The following CFAP300 variants were observed in gnomAD, a reference collection of about 807,000 sequenced individuals.
CFAP300 encodes cilia and flagella associated protein 300.
Under a neutral mutation model 33.0 loss-of-function variants are expected in CFAP300, and 32 were observed. The ratio of observed to expected loss-of-function variants is 0.97; its 90% confidence interval spans 0.73 to 1.30. The LOEUF (loss-of-function observed/expected upper bound fraction) is 1.30. Among genes scored for constraint, CFAP300 ranks in the 50% most tolerant of loss-of-function variants. The pLI, the probability that CFAP300 is intolerant of heterozygous loss-of-function variation, is 0.00. For synonymous variants in CFAP300, 102 were observed against 106.8 expected (o/e 0.95, Z 0.28); for missense variants, 356 against 318.1 (o/e 1.12, Z -0.90).
chr11:102,059,763 A>G (rs958806018), intron 3 of CFAP300, among the ~76,000 whole-genome samples: 1 of 151,902 alleles, frequency 6.6e-6, no homozygotes, highest in Admixed American at 6.6e-5. Flanking sequence ...AATTGAGATG[A>G]GTACATGGGT....
chr11:102,056,994 T>G (rs1019500706), intron 2 of CFAP300, among the ~76,000 whole-genome samples: 11 of 152,002 alleles, frequency 7.2e-5, no homozygotes, highest in Admixed American at 6.6e-5. Context: ...CTTGTGATGA[T>G]GTCAGCACAT....
chr11:102,058,517 A>C (rs1942092761), intron 2 of CFAP300, among the ~76,000 whole-genome samples: 1 of 149,342 alleles, frequency 6.7e-6, no homozygotes, highest in Admixed American at 6.8e-5. Flanking sequence ...GAAAGAATTA[A>C]ATTGACAGTT....
rs771478775 is a variant in CFAP300, at chr11:102,047,515, G to A, written c.45G>A (p.Arg15=). Residue 15 remains arginine, a synonymous_variant, in exon 1 of 7, where the codon AGG becomes AGA. Coordinates refer to ENST00000434758, the MANE Select transcript of CFAP300 (RefSeq NM_032930.3). ...GGGACTTGGGTGGCTACTACTTCAG[G>A]TTCTTGCCTCAGAAAACCTTCCAGT... ...ELGDLGGYYF[R]FLPQKTFQSL... 153 of 1,535,860 alleles carry A rather than the reference G, an allele frequency of 1.0e-4. No individual in the cohort carries two copies. In the East Asian group the frequency reaches 3.7e-3, roughly 37 times the overall value.
intron 1 of CFAP300, 96 bp downstream of exon 1, chr11:102,047,676 A>ATTCTGAGTGAACCCTGAGGCT: frequency 6.8e-7 from 1 of 1,459,974 alleles, no homozygotes; most frequent in Non-Finnish European, 9.3e-7. Context: ...GGTCGGCGCC[A>ATTCTGAGTGAACCCTGAGGCT]TTCTGAGTGA....
chr11:102,077,827 A>G (rs1482663956), intron 5 of CFAP300, among the ~76,000 whole-genome samples: 1 of 152,214 alleles, frequency 6.6e-6, no homozygotes, highest in Non-Finnish European at 1.5e-5. Context: ...TGCCCGCCTC[A>G]GCCTCCCAAA....
At chr11:102,055,168 A>G (rs1481546332) in intron 2 of CFAP300, among the ~76,000 whole-genome samples, 3 of 151,620 alleles carry the variant, frequency 2.0e-5, no homozygotes, top group Non-Finnish European at 4.4e-5. Flanking sequence ...TTTAGTAGAG[A>G]CAGGGTTTCA....
chr11:102,077,274 A>G (rs1942409211), intron 5 of CFAP300, among the ~76,000 whole-genome samples: 1 of 152,146 alleles, frequency 6.6e-6, no homozygotes, highest in Non-Finnish European at 1.5e-5. Context: ...AGAAACTGCT[A>G]TTTTTCCCAA....
intron 4 of CFAP300, among the ~76,000 whole-genome samples, chr11:102,075,040 G>A (rs1208403142): frequency 1.3e-5 from 2 of 152,000 alleles, no homozygotes; most frequent in Admixed American, 1.3e-4. Context: ...GGAGGCTGAG[G>A]CAAGAAGGTC....
intron 5 of CFAP300, among the ~76,000 whole-genome samples, chr11:102,077,945 C>G (rs1942420962): frequency 6.6e-6 from 1 of 152,070 alleles, no homozygotes; most frequent in Non-Finnish European, 1.5e-5. Flanking sequence ...GGCTGAAGTA[C>G]AGTGGCACAA....
rs143542541 is a variant in CFAP300 at position 102,074,544 on chromosome 11, C to T, written c.436-1329C>T. ...TTATCTACTTGCTATTTTGGTTCTA[C>T]TTTGTTCAGGAAGTGAGTGCCAGAT... is the stretch of plus-strand genomic sequence containing the variant. On this transcript the variant is annotated intron_variant, in intron 4 of 6. Transcript: ENST00000434758. 1.4e-3 allele frequency among the ~76,000 whole-genome samples: 219 copies of T among 152,174 alleles called. 3 individuals are homozygous for T. The highest frequency in any genetic ancestry group is 5.0e-3 in the African/African-American group (209 of 41,526).
At position 102,047,506 on chromosome 11, in the gene CFAP300, C is replaced by T. The variant is rs1002853962; in HGVS notation, c.36C>T (p.Tyr12=). The T allele has an allele frequency of 2.6e-6, 4 of 1,535,906 alleles. No individual in the cohort carries two copies. Among genetic ancestry groups the T allele is most frequent in the Non-Finnish European group, 3.5e-6 (4 of 1,146,800 alleles). The change falls in exon 1 of 7, where the codon TAC becomes TAT. Residue 12 remains tyrosine, a synonymous_variant. Coordinates refer to ENST00000434758, the MANE Select transcript of CFAP300 (RefSeq NM_032930.3). ...ATGELGDLGG[Y]YFRFLPQKTF... The stretch of plus-strand genomic sequence containing the variant: ...GGGAGCTCGGGGACTTGGGTGGCTA[C>T]TACTTCAGGTTCTTGCCTCAGAAAA...
At position 102,075,878 on chromosome 11, in the gene CFAP300, G is replaced by A; in HGVS notation, c.441G>A (p.Leu147=). Residue 147 remains leucine (L), a synonymous_variant, in exon 5 of 7, where the codon TTG becomes TTA. Transcript: ENST00000434758. ...FLISDELRRV[L]LVEDSEKYEI... ...GATGAATTTTATCGTCTTAGGTTTT[G>A]CTAGTGGAAGACTCAGAAAAATATG... 1.9e-6 allele frequency: 3 copies of A among 1,605,560 alleles called. No individual in the cohort carries two copies. Among genetic ancestry groups the A allele is most frequent in the South Asian group, 1.1e-5 (1 of 89,172 alleles).
chr11:102,083,078 C>T lies in CFAP300; in HGVS notation c.683C>T (p.Ala228Val). 2 of 1,429,284 alleles carry T rather than the reference C, an allele frequency of 1.4e-6. No individual in the cohort carries two copies. Among genetic ancestry groups the T allele is most frequent in the African/African-American group, 2.9e-5 (2 of 68,390 alleles). The allele number at this position is 1,429,284 out of a possible 1,614,324, so 88.5% of individuals were successfully genotyped here. ...TAGGTTTGTCTTTTTCAGGATTCTG[C>T]TGGTATGTGCTATCCTTCAGCAAAG... is the stretch of plus-strand genomic sequence containing the variant. Reference protein sequence around the residue: ...SVFKVSAYDSAGMCYPSAKNH... With the variant: ...SVFKVSAYDSVGMCYPSAKNH... The change falls in exon 7 of 7, where the codon GCT (alanine) becomes GTT (valine). Residue 228 changes from alanine to valine, a missense_variant. Ala to Val is a moderately conservative substitution (Grantham distance 64). Coordinates refer to ENST00000434758, the MANE Select transcript of CFAP300 (RefSeq NM_032930.3).
chr11:102,059,006 T>C (rs777276203), intron 3 of CFAP300, 51 bp downstream of exon 3: 5 of 1,150,538 alleles, frequency 4.3e-6, no homozygotes, highest in Non-Finnish European at 6.2e-6. Context: ...TATAAGAAAA[T>C]TTTGCCTCAG....
At position 102,083,238 on chromosome 11, in the gene CFAP300, A is replaced by G; in HGVS notation, c.*39A>G. 1 of 1,342,128 alleles carries G rather than the reference A, an allele frequency of 7.5e-7. No homozygotes were observed. Among genetic ancestry groups the G allele is most frequent in the Non-Finnish European group, 9.8e-7 (1 of 1,024,064 alleles). 83.1% of individuals were successfully genotyped at this position (1,342,128 alleles called of 1,614,324 possible). A position where few individuals can be genotyped will look rare whatever the true frequency, so the allele number is the denominator to read the frequency against. On this transcript the variant is annotated 3_prime_UTR_variant, in exon 7 of 7. Transcript: ENST00000434758. ...TATGTACCTCTACTATTTTGTATTT[A>G]TCATTTTTCTATCTTAATACTAACT...
At chr11:102,066,384 T>C in intron 3 of CFAP300, 101 bp from the exon 4 acceptor site, 1 of 707,494 alleles carries the variant, frequency 1.4e-6, no homozygotes, top group Non-Finnish European at 2.2e-6. Context: ...GTCATATTTG[T>C]TAACTTCTTA....
At chr11:102,078,405 G>A (rs1341893350) in intron 5 of CFAP300, among the ~76,000 whole-genome samples, 1 of 152,152 alleles carries the variant, frequency 6.6e-6, no homozygotes, top group Non-Finnish European at 1.5e-5. Flanking sequence ...GGTTATCAGA[G>A]GATGGAGTTA....
intron 4 of CFAP300, among the ~76,000 whole-genome samples, chr11:102,074,223 G>A (rs1942362868): frequency 6.6e-6 from 1 of 151,982 alleles, no homozygotes; most frequent in Non-Finnish European, 1.5e-5. Context: ...GGTGGGGGAG[G>A]GGTGGTGGGA....
At chr11:102,081,320 T>A in intron 6 of CFAP300, 39 bp downstream of exon 6, 6 of 1,511,950 alleles carry the variant, frequency 4.0e-6, no homozygotes, top group Non-Finnish European at 5.5e-6. Context: ...AGAATTTAAT[T>A]ACTTTTTATT....
Sources: allele counts gnomAD v4.1 joint callset (sites outside exome capture counted in the v4.1 genomes callset), GRCh38; gene constraint gnomAD v4.1.1; transcripts MANE v1.5; gene names NCBI Gene and HGNC (gene_info 2026-07-23, HGNC 2026-07-21).